Variants in HIGD1C observed in about 807,000 individuals in gnomAD.
HIGD1C encodes the protein HIG1 domain family member 1C.
In HIGD1C, 11 loss-of-function variants were observed where a neutral mutation model predicts 13.1. That is an observed-to-expected ratio of 0.84 (90% CI 0.53 to 1.39). The LOEUF is 1.39. Ranked by LOEUF, HIGD1C falls within the 40% of genes most tolerant of loss-of-function variation. The pLI is 0.00. For synonymous variants in HIGD1C, 36 were observed against 37.7 expected (o/e 0.95, Z 0.17); for missense variants, 110 against 112.0 (o/e 0.98, Z 0.08).
rs1939721261 is a variant in HIGD1C, at chr12:50,970,434, T to G, written c.230-8T>G. 7.1e-7 allele frequency: 1 copy of G among 1,412,638 alleles called. No individual in the cohort carries two copies. The highest frequency in any genetic ancestry group is 2.5e-5 in the East Asian group (1 of 40,154). 87.5% of individuals were successfully genotyped at this position (1,412,638 alleles called of 1,614,324 possible). On this transcript the variant is annotated splice_region_variant and splice_polypyrimidine_tract_variant and intron_variant, in intron 2 of 2. Transcript: ENST00000398455. ...ATACTCAATTGATATACATCCTTCT[T>G]TTTCTAGGTGTTCTCTATTCTATGT... is the stretch of plus-strand genomic sequence containing the variant.
At chr12:50,960,704 A>G (rs1291274056) in intron 1 of HIGD1C, among the ~76,000 whole-genome samples, 1 of 151,466 alleles carries the variant, frequency 6.6e-6, no homozygotes, top group Non-Finnish European at 1.5e-5. Context: ...TTTTCTAGAG[A>G]CAGGGTCTCA....
intron 2 of HIGD1C, among the ~76,000 whole-genome samples, chr12:50,962,389 C>T (rs2139811474): frequency 6.6e-6 from 1 of 151,330 alleles, no homozygotes; most frequent in Non-Finnish European, 1.5e-5. Context: ...CCAGCCTGGG[C>T]AATAAGAGTG....
chr12:50,957,937 GGT>G (rs71089717), intron 1 of HIGD1C, among the ~76,000 whole-genome samples: 5,681 of 132,336 alleles, frequency 0.043, 142 homozygotes, highest in Admixed American at 0.096. Flanking sequence ...ATGAATTGGA[GGT>G]GTGTGTGTGT....
the HIGD1C span, among the ~76,000 whole-genome samples, chr12:50,941,015 A>C: frequency 6.6e-6 from 1 of 151,560 alleles, no homozygotes; most frequent in Non-Finnish European, 1.5e-5. Context: ...CGGCTAATTT[A>C]TTTATTTTTA....
chr12:50,943,637 G>T, the HIGD1C span, among the ~76,000 whole-genome samples: 1 of 151,896 alleles, frequency 6.6e-6, no homozygotes, highest in South Asian at 2.1e-4. Flanking sequence ...GTGAACCCTG[G>T]GGGCGGAGCC....
chr12:50,933,223 C>T, the HIGD1C span, among the ~76,000 whole-genome samples: 3 of 152,192 alleles, frequency 2.0e-5, no homozygotes, highest in Non-Finnish European at 4.4e-5. Context: ...CTTTGATAAT[C>T]ATTGCTGCCA....
At chr12:50,947,778 A>C in the HIGD1C span, among the ~76,000 whole-genome samples, 1 of 152,178 alleles carries the variant, frequency 6.6e-6, no homozygotes, top group Non-Finnish European at 1.5e-5. Flanking sequence ...TGAGGCATCA[A>C]ACTGGTCTAA....
intron 1 of HIGD1C, among the ~76,000 whole-genome samples, chr12:50,960,401 T>C (rs1241220002): frequency 6.6e-6 from 1 of 152,222 alleles, no homozygotes; most frequent in Non-Finnish European, 1.5e-5. Flanking sequence ...CTTTGTAGCA[T>C]GCACAGTTTG....
At chr12:50,967,616 C>A (rs1266436326) in intron 2 of HIGD1C, among the ~76,000 whole-genome samples, 1 of 152,126 alleles carries the variant, frequency 6.6e-6, no homozygotes, top group Non-Finnish European at 1.5e-5. Context: ...CTACTAAATG[C>A]CATGGACTGT....
the HIGD1C span, among the ~76,000 whole-genome samples, chr12:50,942,865 C>T: frequency 3.3e-5 from 4 of 121,780 alleles, no homozygotes; most frequent in African/African-American, 9.1e-5. Flanking sequence ...AGTTTCTCTT[C>T]TCTTTTTTTT....
chr12:50,941,957 C>T, the HIGD1C span, among the ~76,000 whole-genome samples: 4 of 152,192 alleles, frequency 2.6e-5, no homozygotes, highest in African/African-American at 7.2e-5. Flanking sequence ...GGTGCAATCT[C>T]GGCTCACTGC....
chr12:50,956,729 G>A (rs190211325), intron 1 of HIGD1C, among the ~76,000 whole-genome samples: 2 of 152,274 alleles, frequency 1.3e-5, no homozygotes, highest in East Asian at 3.9e-4. Flanking sequence ...AGCAATGGCA[G>A]TTTTTCTTCT....
chr12:50,939,891 CTTG>C, the HIGD1C span: 4 of 148,672 alleles, frequency 2.7e-5, no homozygotes, highest in Admixed American at 6.8e-5. Flanking sequence ...TAAATGTAGC[CTTG>C]AAATTCCAAT....
At chr12:50,940,721 T>G in the HIGD1C span, among the ~76,000 whole-genome samples, 4 of 101,350 alleles carry the variant, frequency 3.9e-5, no homozygotes, top group Admixed American at 2.8e-4. Flanking sequence ...AGACCCCATC[T>G]CAAAAAAAAA....
chr12:50,940,815 A>G, the HIGD1C span, among the ~76,000 whole-genome samples: 303 of 151,750 alleles, frequency 2.0e-3, 1 homozygote, highest in African/African-American at 7.0e-3. Context: ...GTTGCTTGCC[A>G]ATGCATACAA....
intron 1 of HIGD1C, 93 bp downstream of exon 3, chr12:50,954,185 G>A (rs1464697878): frequency 2.6e-6 from 2 of 760,252 alleles, no homozygotes; most frequent in African/African-American, 3.5e-5. Flanking sequence ...TCTTATAATT[G>A]AATTTTTTCA....
At chr12:50,964,280 A>G (rs1244735405) in intron 2 of HIGD1C, among the ~76,000 whole-genome samples, 1 of 152,208 alleles carries the variant, frequency 6.6e-6, no homozygotes, top group African/African-American at 2.4e-5. Flanking sequence ...CATCCACTAC[A>G]CATTTCATAT....
the HIGD1C span, among the ~76,000 whole-genome samples, chr12:50,937,360 G>A: frequency 2.6e-5 from 4 of 152,208 alleles, no homozygotes; most frequent in African/African-American, 7.2e-5. Context: ...GCTTGGGCGT[G>A]GCATCTGGAC....
the HIGD1C span, among the ~76,000 whole-genome samples, chr12:50,942,142 A>C: frequency 1.4e-4 from 22 of 152,252 alleles, no homozygotes; most frequent in South Asian, 4.6e-3. Context: ...TCAGCCTCCC[A>C]AAGTCCTGGG....
Sources: allele counts gnomAD v4.1 joint callset (sites outside exome capture counted in the v4.1 genomes callset), GRCh38; gene constraint gnomAD v4.1.1; transcripts MANE v1.5; gene names NCBI Gene and HGNC (gene_info 2026-07-23, HGNC 2026-07-21).